ADAM12: variants seen among roughly 807,000 people sequenced by gnomAD.
The protein encoded by ADAM12 is disintegrin and metalloproteinase domain-containing protein 12.
A neutral mutation model predicts 106.4 loss-of-function variants in ADAM12; 70 were observed. The ratio of observed to expected loss-of-function variants is 0.66; its 90% CI spans 0.54 to 0.80. The LOEUF (loss-of-function observed/expected upper bound fraction) is 0.80, where lower values mean the gene tolerates loss of function less well. ADAM12 is among the 30% of genes least tolerant of loss of function. The pLI, the probability that ADAM12 is intolerant of heterozygous loss-of-function variation, is 0.00. For missense variants in ADAM12, 1,010 were observed against 1,171.9 expected (o/e 0.86, Z 2.02); for synonymous variants, 420 against 433.5 (o/e 0.97, Z 0.39).
At chr10:126,318,366 G>A (rs985319181) in intron 2 of ADAM12, among the ~76,000 whole-genome samples, 8 of 150,490 alleles carry the variant, frequency 5.3e-5, no homozygotes, top group South Asian at 2.1e-4. Flanking sequence ...TCTCTCACTC[G>A]CATACATCCA....
At position 126,125,570 on chromosome 10, in the gene ADAM12, A is replaced by T. The variant is rs535695311; in HGVS notation, c.417-7346T>A. On this transcript the variant is annotated intron_variant, in intron 5 of 22. Coordinates refer to ENST00000448723, the MANE Select transcript of ADAM12 (RefSeq NM_001288973.2). The stretch of plus-strand genomic sequence containing the variant: ...GAATATATTATTTTCTTTAATATTT[A>T]CAGCAATCCTGTAAAGCAGATAACA... 3.3e-5 allele frequency among the ~76,000 whole-genome samples: 5 copies of T among 152,142 alleles called. No homozygotes were observed. The East Asian group carries it at 9.7e-4, about 30-fold the overall frequency.
At chr10:126,151,797 T>C (rs1956732270) in intron 4 of ADAM12, among the ~76,000 whole-genome samples, 1 of 151,958 alleles carries the variant, frequency 6.6e-6, no homozygotes, top group Non-Finnish European at 1.5e-5. Context: ...GATCCAGTGT[T>C]AATAATTTTA....
At chr10:126,307,333 T>A (rs1960890171) in intron 2 of ADAM12, among the ~76,000 whole-genome samples, 1 of 152,164 alleles carries the variant, frequency 6.6e-6, no homozygotes, top group Non-Finnish European at 1.5e-5. Context: ...GCTCTGTTTT[T>A]TTCTCTTGTC....
In ADAM12 at chr10:126,207,269, G is replaced by T. The variant is rs10901558; in HGVS notation, c.261-51964C>A. ...GACAGGACACAGAAAAGGGAAAGGGGTTTACTGTGCCTCATTGGCAGAATG... is the reference window on the plus strand; with the variant it reads ...GACAGGACACAGAAAAGGGAAAGGGTTTTACTGTGCCTCATTGGCAGAATG... On this transcript the variant is annotated intron_variant, in intron 3 of 22. Coordinates refer to ENST00000448723, the MANE Select transcript of ADAM12 (RefSeq NM_001288973.2). 9.1e-3 allele frequency among the ~76,000 whole-genome samples: 1,382 copies of T among 152,294 alleles called. 51 individuals are homozygous for T. In the East Asian group the frequency reaches 0.099, roughly 11 times the overall value.
chr10:126,207,713 TTACTGA>T (rs1957822251), intron 3 of ADAM12, among the ~76,000 whole-genome samples: 2 of 152,238 alleles, frequency 1.3e-5, no homozygotes, highest in Non-Finnish European at 2.9e-5. Flanking sequence ...TTGAGATTAC[TTACTGA>T]TACTAAGAAG....
In ADAM12 at chr10:126,338,702, G is replaced by A. The variant is rs1049836300; in HGVS notation, c.89-8193C>T. 2.0e-5 allele frequency among the ~76,000 whole-genome samples: 3 copies of A among 152,144 alleles called. No homozygotes were observed. The East Asian group carries it at 5.8e-4, about 29-fold the overall frequency. ...ATTAATGGCAAAACCCAAGCCCTTTGCATGTCAAATACATACATTCACTTT... is the reference window on the plus strand; with the variant it reads ...ATTAATGGCAAAACCCAAGCCCTTTACATGTCAAATACATACATTCACTTT... On this transcript the variant is annotated intron_variant, in intron 1 of 22. Coordinates refer to ENST00000448723, the MANE Select transcript of ADAM12 (RefSeq NM_001288973.2).
chr10:126,041,502 T>A, intron 18 of ADAM12: 2 of 985,596 alleles, frequency 2.0e-6, no homozygotes, highest in Non-Finnish European at 2.4e-6. Flanking sequence ...TGAGTACTGC[T>A]GGTCACGCAT....
intron 6 of ADAM12, among the ~76,000 whole-genome samples, chr10:126,115,793 G>A (rs1955970589): frequency 6.6e-6 from 1 of 152,118 alleles, no homozygotes; most frequent in South Asian, 2.1e-4. Context: ...CAGCATAAGT[G>A]GGGCAGGAAA....
chr10:126,104,634 G>C (rs563095862), intron 8 of ADAM12, among the ~76,000 whole-genome samples: 2 of 151,982 alleles, frequency 1.3e-5, no homozygotes, highest in African/African-American at 4.8e-5. Flanking sequence ...TGCACTCCCC[G>C]GGCTCCTGTG....
chr10:126,331,084 T>C (rs1192075107), intron 1 of ADAM12, among the ~76,000 whole-genome samples: 1 of 152,240 alleles, frequency 6.6e-6, no homozygotes. Flanking sequence ...CAATAAACTA[T>C]TATATGATCT....
At chr10:126,190,159 G>C (rs1392695885) in intron 3 of ADAM12, among the ~76,000 whole-genome samples, 2 of 151,842 alleles carry the variant, frequency 1.3e-5, no homozygotes, top group Non-Finnish European at 2.9e-5. Flanking sequence ...GAGGGGACTA[G>C]CGTGTAGCGT....
At chr10:126,310,941 A>G (rs919355175) in intron 2 of ADAM12, among the ~76,000 whole-genome samples, 13 of 152,276 alleles carry the variant, frequency 8.5e-5, no homozygotes, top group Admixed American at 2.0e-4. Flanking sequence ...AAGGAGCAGG[A>G]AAGAAGTCCC....
intron 3 of ADAM12, among the ~76,000 whole-genome samples, chr10:126,160,422 A>G (rs967466176): frequency 6.6e-6 from 1 of 152,174 alleles, no homozygotes; most frequent in Admixed American, 6.5e-5. Flanking sequence ...CTTTCTGTTG[A>G]TCAGCCCCAG....
chr10:126,140,700 C>T (rs1474539297), intron 4 of ADAM12, among the ~76,000 whole-genome samples: 1 of 152,290 alleles, frequency 6.6e-6, no homozygotes, highest in South Asian at 2.1e-4. Flanking sequence ...ATGACAATTT[C>T]GTGAAATTTA....
At chr10:126,052,710 T>C (rs1486333719) in intron 14 of ADAM12, among the ~76,000 whole-genome samples, 1 of 152,074 alleles carries the variant, frequency 6.6e-6, no homozygotes, top group African/African-American at 2.4e-5. Context: ...TCAACAGGGA[T>C]TGAAGACGCT....
intron 3 of ADAM12, among the ~76,000 whole-genome samples, chr10:126,194,760 C>A (rs80341342): frequency 2.0e-5 from 3 of 152,322 alleles, no homozygotes; most frequent in Non-Finnish European, 4.4e-5. Flanking sequence ...AACCCTGGTT[C>A]TGGGTCTGCA....
chr10:126,094,716 C>T (rs117738796), intron 10 of ADAM12, among the ~76,000 whole-genome samples: 1 of 152,262 alleles, frequency 6.6e-6, no homozygotes, highest in East Asian at 1.9e-4. Flanking sequence ...GTTTGAAGAG[C>T]CATTCATTTC....
In ADAM12 at chr10:126,160,357, C is replaced by T. The variant is rs529238932; in HGVS notation, c.261-5052G>A. Among the ~76,000 whole-genome samples the T allele has an allele frequency of 3.3e-5, 5 of 152,056 alleles. No homozygotes were observed. The South Asian group carries it at 1.0e-3, about 32-fold the overall frequency. On this transcript the variant is annotated intron_variant, in intron 3 of 22. Coordinates refer to ENST00000448723, the MANE Select transcript of ADAM12 (RefSeq NM_001288973.2). ...TATGTCCATTTAAATAGCTAAATACCTAAATAAATACCAACTCCCCCCTCT... is the reference window on the plus strand; with the variant it reads ...TATGTCCATTTAAATAGCTAAATACTTAAATAAATACCAACTCCCCCCTCT...
At chr10:126,311,122 CA>C (rs1192653903) in intron 2 of ADAM12, among the ~76,000 whole-genome samples, 1 of 151,688 alleles carries the variant, frequency 6.6e-6, no homozygotes, top group African/African-American at 2.4e-5. Flanking sequence ...CACACACACA[CA>C]CACACACACA....
Sources: allele counts gnomAD v4.1 joint callset (sites outside exome capture counted in the v4.1 genomes callset), GRCh38; gene constraint gnomAD v4.1.1; transcripts MANE v1.5; gene names NCBI Gene and HGNC (gene_info 2026-07-23, HGNC 2026-07-21).